Variants in DUSP8 observed in about 807,000 individuals in gnomAD.
The protein encoded by DUSP8 is dual specificity phosphatase 8, also known as dual specificity protein phosphatase 8.
A neutral mutation model predicts 38.7 loss-of-function variants in DUSP8; 15 were observed. The observed-to-expected ratio is 0.39, with a 90% CI of 0.26 to 0.60. The LOEUF is 0.60. Ranked by LOEUF, DUSP8 falls within the 20% of genes least tolerant of loss-of-function variation. DUSP8 has a pLI of 0.56. For missense variants in DUSP8, 768 were observed against 915.0 expected, an observed-to-expected ratio of 0.84 and a Z score of 2.07; for synonymous variants, 458 against 433.9, an observed-to-expected ratio of 1.06 and a Z score of -0.69.
At chr11:1,565,133 C>T (rs1370443719) in intron 2 of DUSP8, among the ~76,000 whole-genome samples, 5 of 152,186 alleles carry the variant, frequency 3.3e-5, no homozygotes, top group African/African-American at 4.8e-5. Flanking sequence ...GGACTGCTCA[C>T]GTGTGCCTTT....
intron 2 of DUSP8, among the ~76,000 whole-genome samples, chr11:1,564,530 G>A (rs1289228328): frequency 2.0e-5 from 3 of 149,392 alleles, no homozygotes; most frequent in East Asian, 2.0e-4. Flanking sequence ...CACCAATTCC[G>A]GAGGCAGCAG....
rs182736278 is a variant in DUSP8, at chr11:1,557,511, C to T, written c.885G>A (p.Glu295=). The change falls in exon 7 of 7, where the codon GAG becomes GAA. Residue 295 remains glutamate (E), a synonymous_variant. Transcript: ENST00000397374. The surrounding 1 kb of genome is among the most constrained non-coding windows in gnomAD (Gnocchi z 9.9). ...PNFNFLGQLL[E]YERSLKLLAA... is the part of the protein sequence containing the mutation. ...CCAGCAGCTTCAGGCTGCGCTCGTA[C>T]TCCAGCAGCTGGCCCAGGAAGTTGA... is the stretch of plus-strand genomic sequence containing the variant. The T allele has an allele frequency of 9.5e-4, 1,503 of 1,589,706 alleles. 9 individuals are homozygous for T. In the African/African-American group the frequency reaches 0.015, roughly 16 times the overall value.
upstream of DUSP8, among the ~76,000 whole-genome samples, chr11:1,572,413 G>A (rs1848920334): frequency 6.7e-6 from 1 of 148,962 alleles, no homozygotes; most frequent in Non-Finnish European, 1.5e-5. The surrounding 1 kb of genome is among the most constrained non-coding windows in gnomAD (Gnocchi z 4.7). Flanking sequence ...TCGGGGTGAA[G>A]CTGAGGCGGC....
At chr11:1,559,201 G>A in intron 3 of DUSP8, 146 bp from the exon 4 acceptor site, 1 of 764,884 alleles carries the variant, frequency 1.3e-6, no homozygotes, top group Middle Eastern at 3.8e-4. Context: ...CAGCCGGCAA[G>A]CCTCTGGCGG....
Position 1,554,660 on chromosome 11 carries a change from C to T in DUSP8, c.*1858G>A. The T allele has an allele frequency of 1.0e-6, 1 of 985,834 alleles. No individual in the cohort carries two copies. The highest frequency in any genetic ancestry group is 1.2e-6 in the Non-Finnish European group (1 of 828,326). The allele number at this position is 985,834 out of a possible 1,614,324, so 61.1% of individuals were successfully genotyped here. On this transcript the variant is annotated 3_prime_UTR_variant, in exon 7 of 7. Transcript: ENST00000397374. ...AGGGGGAAGGGAGAAGGGGGCCCAACCAGTGGCCCCAGACCACTGTCTCCC... is the reference window on the plus strand; with the variant it reads ...AGGGGGAAGGGAGAAGGGGGCCCAATCAGTGGCCCCAGACCACTGTCTCCC...
chr11:1,557,655 T>A lies in DUSP8; in HGVS notation c.822-81A>T. ...ACGCACCCGCTGGGCACCCACGAGC[T>A]CATGTGCGCCAGGCTGGTCTCAGGC... On this transcript the variant is annotated intron_variant, in intron 6 of 6. Coordinates refer to ENST00000397374, the MANE Select transcript of DUSP8 (RefSeq NM_004420.3). This position sits in a 1 kb window ranked among gnomAD's most constrained non-coding sequence, Gnocchi z 9.9. 6.5e-7 allele frequency: 1 copy of A among 1,535,040 alleles called. No individual in the cohort carries two copies. Among genetic ancestry groups the A allele is most frequent in the Non-Finnish European group, 8.8e-7 (1 of 1,141,546 alleles).
intron 1 of DUSP8, among the ~76,000 whole-genome samples, chr11:1,569,704 C>T (rs1848858997): frequency 6.6e-6 from 1 of 152,168 alleles, no homozygotes; most frequent in African/African-American, 2.4e-5. Flanking sequence ...CTGACAGCAT[C>T]CTTACCATGT....
In DUSP8 at chr11:1,565,562, G is replaced by A. The variant is rs1415172419; in HGVS notation, c.231+34C>T. On this transcript the variant is annotated intron_variant, in intron 2 of 6. Transcript: ENST00000397374. ...GGCCCCTTAGCTGTGGACCCTGGAC[G>A]TGATGCATGCCTGGTGGGCAGTGGG... is the stretch of plus-strand genomic sequence containing the variant. 16 of 1,545,596 alleles carry A rather than the reference G, an allele frequency of 1.0e-5. No homozygotes were observed. In the Middle Eastern group the frequency reaches 6.8e-4, roughly 65 times the overall value.
intron 1 of DUSP8, among the ~76,000 whole-genome samples, chr11:1,568,963 G>A (rs949291579): frequency 2.0e-4 from 31 of 152,190 alleles, no homozygotes; most frequent in African/African-American, 7.2e-4. Context: ...GCTATGCCAG[G>A]GATGGGGCAG....
In DUSP8 at chr11:1,558,904, C is replaced by T. The variant is rs1453132138; in HGVS notation, c.522G>A (p.Lys174=). Residue 174 remains lysine (K), a synonymous_variant, in exon 4 of 7, where the codon AAG becomes AAA. Coordinates refer to ENST00000397374, the MANE Select transcript of DUSP8 (RefSeq NM_004420.3). The surrounding 1 kb of genome is among the most constrained non-coding windows in gnomAD (Gnocchi z 6.3). ...ILPHLYLGSQ[K]DVLNKDLMTQ... The stretch of plus-strand genomic sequence containing the variant: ...GCACACACACCTTGTTTAGGACGTC[C>T]TTCTGCGAGCCCAGGTAGAGGTGAG... 1 of 1,610,634 alleles carries T rather than the reference C, an allele frequency of 6.2e-7. No homozygotes were observed. Among genetic ancestry groups the T allele is most frequent in the East Asian group, 2.2e-5 (1 of 44,772 alleles).
At chr11:1,563,098 C>G (rs960898063) in intron 3 of DUSP8, among the ~76,000 whole-genome samples, 4 of 152,122 alleles carry the variant, frequency 2.6e-5, no homozygotes, top group African/African-American at 9.7e-5. Context: ...TCCCCCATAT[C>G]CTCTGCTTGC....
At chr11:1,561,938 C>A (rs994577638) in intron 3 of DUSP8, among the ~76,000 whole-genome samples, 2 of 152,246 alleles carry the variant, frequency 1.3e-5, no homozygotes, top group African/African-American at 2.4e-5. Context: ...CTGGGTGTCG[C>A]CATGAGCCCA....
intron 3 of DUSP8, 75 bp downstream of exon 3, chr11:1,563,776 T>C (rs1289160713): frequency 2.1e-6 from 3 of 1,404,600 alleles, no homozygotes; most frequent in Admixed American, 3.0e-5. Context: ...GACACCTCCC[T>C]GATGCCCCAG....
rs201469476 is a variant in DUSP8 at position 1,556,368 on chromosome 11, C to G, written c.*150G>C. ...ACCCGCACTGTTGCCAAATCATTGCCAGAATGAACAGCTTAAATAAATAAA... is the reference window on the plus strand; with the variant it reads ...ACCCGCACTGTTGCCAAATCATTGCGAGAATGAACAGCTTAAATAAATAAA... On this transcript the variant is annotated 3_prime_UTR_variant, in exon 7 of 7. Transcript: ENST00000397374. The surrounding 1 kb of genome is among the most constrained non-coding windows in gnomAD (Gnocchi z 5.2). The G allele has an allele frequency of 1.8e-6, 2 of 1,085,348 alleles. No homozygotes were observed. Among genetic ancestry groups the G allele is most frequent in the Non-Finnish European group, 2.3e-6 (2 of 855,710 alleles). The allele number at this position is 1,085,348 out of a possible 1,614,324, so 67.2% of individuals were successfully genotyped here.
rs1380482614 is a variant in DUSP8 at position 1,572,208 on chromosome 11, G to A, written c.-416C>T. 6.8e-6 allele frequency among the ~76,000 whole-genome samples: 1 copy of A among 146,372 alleles called. No individual in the cohort carries two copies. Among genetic ancestry groups the A allele is most frequent in the Non-Finnish European group, 1.5e-5 (1 of 65,844 alleles). On this transcript the variant is annotated 5_prime_UTR_variant, in exon 1 of 7. Coordinates refer to ENST00000397374, the MANE Select transcript of DUSP8 (RefSeq NM_004420.3). The surrounding 1 kb of genome is among the most constrained non-coding windows in gnomAD (Gnocchi z 4.7). Reference sequence around the variant, plus strand: ...GGCTCGGGCTCGGGCTCGGGCTCGGGCGTCCGGCGTCCGGCGGGGCGTCGT... The same window carrying A: ...GGCTCGGGCTCGGGCTCGGGCTCGGACGTCCGGCGTCCGGCGGGGCGTCGT...
rs1331753492 is a variant in DUSP8 at position 1,556,453 on chromosome 11, T to A, written c.*65A>T. The A allele has an allele frequency of 1.6e-6, 2 of 1,230,348 alleles. No individual in the cohort carries two copies. The highest frequency in any genetic ancestry group is 6.3e-5 in the East Asian group (2 of 31,660). The allele number at this position is 1,230,348 out of a possible 1,614,324, so 76.2% of individuals were successfully genotyped here. A position where few individuals can be genotyped will look rare whatever the true frequency, so the allele number is the denominator to read the frequency against. ...GTAAAACCATTTACCTTTCTTTGCA[T>A]TATATATAATATACATTTATAACGG... On this transcript the variant is annotated 3_prime_UTR_variant, in exon 7 of 7. Transcript: ENST00000397374. This position sits in a 1 kb window ranked among gnomAD's most constrained non-coding sequence, Gnocchi z 5.2.
intron 3 of DUSP8, among the ~76,000 whole-genome samples, chr11:1,562,725 G>A (rs1464758468): frequency 2.6e-5 from 4 of 151,072 alleles, no homozygotes; most frequent in South Asian, 2.1e-4. Context: ...ACATGCTCAC[G>A]TACACACTCG....
In DUSP8 at chr11:1,563,999, A is replaced by G. The variant is rs756742980; in HGVS notation, c.232-10T>C. 4 of 1,455,554 alleles carry G rather than the reference A, an allele frequency of 2.7e-6. No homozygotes were observed. In the East Asian group the frequency reaches 8.0e-5, roughly 29 times the overall value. 90.2% of individuals were successfully genotyped at this position (1,455,554 alleles called of 1,614,324 possible). ...GCTCCGTAGCCTCCACCTGGGGGCC[A>G]TGGGGCAGAGATCAGCATGCCGCCT... On this transcript the variant is annotated splice_polypyrimidine_tract_variant and intron_variant, in intron 2 of 6. Coordinates refer to ENST00000397374, the MANE Select transcript of DUSP8 (RefSeq NM_004420.3).
At chr11:1,568,482 CA>C (rs1400366399) in intron 1 of DUSP8, among the ~76,000 whole-genome samples, 1 of 152,164 alleles carries the variant, frequency 6.6e-6, no homozygotes, top group Non-Finnish European at 1.5e-5. Flanking sequence ...TTGTTATTTG[CA>C]GCCGAAGGGG....
Sources: gnomAD v4.1 joint callset for allele counts (sites outside exome capture counted in the v4.1 genomes callset) on GRCh38, gnomAD v4.1.1 for gene constraint, Gnocchi (gnomAD v3.1) non-coding constraint, MANE v1.5 for transcripts, NCBI Gene and HGNC (gene_info 2026-07-23, HGNC 2026-07-21) for gene names.